SP3: variants seen among roughly 807,000 people sequenced by gnomAD.
SP3 encodes transcription factor Sp3.
A neutral mutation model predicts 70.3 loss-of-function variants in SP3; 10 were observed. The observed-to-expected ratio is 0.14, with a 90% CI of 0.09 to 0.24. The LOEUF is 0.24. Among genes scored for constraint, SP3 ranks in the 10% least tolerant of loss-of-function variants. The pLI, the probability that SP3 is intolerant of heterozygous loss-of-function variation, is 1.00. For missense variants in SP3, 825 were observed against 914.6 expected (o/e 0.90, Z 1.26); for synonymous variants, 402 against 333.5 (o/e 1.21, Z -2.24).
chr2:173,920,072 C>G (rs958017562), intron 4 of SP3, among the ~76,000 whole-genome samples: 2 of 151,312 alleles, frequency 1.3e-5, no homozygotes, highest in Non-Finnish European at 2.9e-5. Context: ...CAAAGCATTT[C>G]GAACAAAAGA....
rs1465933187 is a variant in SP3, at chr2:173,906,554, G to GT, written c.*3386dup. 1 of 152,186 alleles carries GT rather than the reference G, an allele frequency of 6.6e-6. No individual in the cohort carries two copies. Among genetic ancestry groups the GT allele is most frequent in the Non-Finnish European group, 1.5e-5 (1 of 68,032 alleles). The allele number at this position is 152,186 out of a possible 1,614,324, so 9.4% of individuals were successfully genotyped here. A position where few individuals can be genotyped will look rare whatever the true frequency, so the allele number is the denominator to read the frequency against. ...TAATTAAAACTGAAAACCAAATTGT[G>GT]TAACAGGTAGCATAACATGTCAGTT... On this transcript the variant is annotated 3_prime_UTR_variant, in exon 7 of 7. Coordinates refer to ENST00000310015, the MANE Select transcript of SP3 (RefSeq NM_003111.5).
In SP3 at chr2:173,960,544, A is replaced by C. The variant is rs140548637; in HGVS notation, c.279+3217T>G. Among the ~76,000 whole-genome samples, 986 of 152,358 alleles carry C rather than the reference A, an allele frequency of 6.5e-3. 17 individuals carry two copies. The highest frequency in any genetic ancestry group is 0.038 in the East Asian group (195 of 5,190). ...TAGTTACAATGACAGCACAGGTCTT[A>C]TTTTAAATAATGGCAAAATAACTTT... On this transcript the variant is annotated intron_variant, in intron 3 of 6. Transcript: ENST00000310015.
chr2:173,909,784 T>C lies in SP3; in HGVS notation c.*157A>G, dbSNP rs1437867025. ...ACCATTTTTAATATACTATGGAATA[T>C]CATACAAAGTAAGGCATTTCAGTGT... On this transcript the variant is annotated 3_prime_UTR_variant, in exon 7 of 7. Transcript: ENST00000310015. 6.9e-6 allele frequency: 4 copies of C among 583,450 alleles called. No homozygotes were observed. The highest frequency in any genetic ancestry group is 6.7e-5 in the Admixed American group (2 of 29,816). 36.1% of individuals were successfully genotyped at this position (583,450 alleles called of 1,614,324 possible).
chr2:173,929,899 AG>A (rs1211790932), intron 4 of SP3, among the ~76,000 whole-genome samples: 2 of 152,208 alleles, frequency 1.3e-5, no homozygotes, highest in Non-Finnish European at 2.9e-5. Context: ...TGAAAAAATT[AG>A]AAGGCTTATC....
At chr2:173,942,504 T>C (rs941939898) in intron 4 of SP3, among the ~76,000 whole-genome samples, 4 of 152,104 alleles carry the variant, frequency 2.6e-5, no homozygotes, top group African/African-American at 7.2e-5. Flanking sequence ...AGGTGGAAGT[T>C]ACAGTCAGCC....
chr2:173,933,667 TATATAA>T lies in SP3; in HGVS notation c.1640-14888_1640-14883del, dbSNP rs1360618537. On this transcript the variant is annotated intron_variant, in intron 4 of 6. Transcript: ENST00000310015. ...ATATATATATATATATATATATATA[TATATAA>T]AAGTTATAAAGTAACATTTATAAAA... Among the ~76,000 whole-genome samples, 214 of 142,148 alleles carry T rather than the reference TATATAA, an allele frequency of 1.5e-3. 1 individual carries two copies. The highest frequency in any genetic ancestry group is 5.3e-3 in the African/African-American group (203 of 38,266). 93.3% of individuals were successfully genotyped at this position (142,148 alleles called of 152,430 possible).
intron 4 of SP3, among the ~76,000 whole-genome samples, chr2:173,950,774 G>C (rs747841346): frequency 6.6e-6 from 1 of 151,976 alleles, no homozygotes; most frequent in Non-Finnish European, 1.5e-5. Context: ...TGATTTTCTA[G>C]TGAGAAAAAG....
At chr2:173,952,749 A>G (rs1690750007) in intron 4 of SP3, among the ~76,000 whole-genome samples, 2 of 152,248 alleles carry the variant, frequency 1.3e-5, no homozygotes, top group African/African-American at 2.4e-5. Flanking sequence ...GACACATACC[A>G]TGACACAGAT....
chr2:173,938,482 A>G (rs1011309719), intron 4 of SP3, among the ~76,000 whole-genome samples: 8 of 148,672 alleles, frequency 5.4e-5, no homozygotes, highest in Non-Finnish European at 8.9e-5. Flanking sequence ...AAAAAAAAAA[A>G]GCAACCAAAC....
At chr2:173,941,150 T>G (rs1352586555) in intron 4 of SP3, among the ~76,000 whole-genome samples, 1 of 144,864 alleles carries the variant, frequency 6.9e-6, no homozygotes, top group Admixed American at 6.9e-5. Context: ...AAAAAAAAAG[T>G]CTGTAATTAC....
At chr2:173,919,979 AC>A (rs1204187357) in intron 4 of SP3, among the ~76,000 whole-genome samples, 1 of 152,198 alleles carries the variant, frequency 6.6e-6, no homozygotes, top group Non-Finnish European at 1.5e-5. Flanking sequence ...GAATGGAAAA[AC>A]AAATCATATT....
rs34329180 is a variant in SP3 at position 173,901,695 on chromosome 2, CTTTTTTTTT to C, written c.*8237_*8245del. ...GGGAAACAGTTAGTTGGACTTAAGC[CTTTTTTTTT>C]TTTTTTTTTTTTTTTGAGACGAAAT... On this transcript the variant is annotated 3_prime_UTR_variant, in exon 7 of 7. Transcript: ENST00000310015. Among the ~76,000 whole-genome samples, 2 of 74,958 alleles carry C rather than the reference CTTTTTTTTT, an allele frequency of 2.7e-5. No homozygotes were observed. The highest frequency in any genetic ancestry group is 5.3e-5 in the African/African-American group (1 of 19,020). The allele number at this position is 74,958 out of a possible 152,430, so 49.2% of individuals were successfully genotyped here. A position where few individuals can be genotyped will look rare whatever the true frequency, so the allele number is the denominator to read the frequency against.
intron 4 of SP3, among the ~76,000 whole-genome samples, chr2:173,947,915 A>G (rs1012704672): frequency 1.3e-5 from 2 of 152,128 alleles, no homozygotes; most frequent in African/African-American, 2.4e-5. Context: ...TAACAGTTCA[A>G]TGGTTCAGAT....
chr2:173,938,264 C>T (rs1574412801), intron 4 of SP3, among the ~76,000 whole-genome samples: 1 of 151,936 alleles, frequency 6.6e-6, no homozygotes. Flanking sequence ...CAAGACCAGC[C>T]TAGTCAACAT....
chr2:173,954,099 G>A (rs1467664469), intron 4 of SP3, among the ~76,000 whole-genome samples: 1 of 152,102 alleles, frequency 6.6e-6, no homozygotes, highest in African/African-American at 2.4e-5. Context: ...ATACAAAACA[G>A]AATTAAAGTA....
At chr2:173,963,660 G>A (rs1445050523) in intron 3 of SP3, 101 bp downstream of exon 3, 1 of 279,798 alleles carries the variant, frequency 3.6e-6, no homozygotes, top group Non-Finnish European at 5.5e-6. Flanking sequence ...TGCGGGTCGG[G>A]GGAAGCGCGG....
chr2:173,963,305 TTAA>T (rs1691146878), intron 3 of SP3: 1 of 152,216 alleles, frequency 6.6e-6, no homozygotes, highest in Non-Finnish European at 1.5e-5. Context: ...CTCATTTTTT[TTAA>T]TAATGTATGA....
At chr2:173,951,385 G>T (rs1690708664) in intron 4 of SP3, among the ~76,000 whole-genome samples, 1 of 152,062 alleles carries the variant, frequency 6.6e-6, no homozygotes, top group Non-Finnish European at 1.5e-5. Context: ...ATCATAAACA[G>T]AAATTTAAAT....
At chr2:173,925,202 A>G (rs1689876844) in intron 4 of SP3, among the ~76,000 whole-genome samples, 1 of 152,230 alleles carries the variant, frequency 6.6e-6, no homozygotes, top group Non-Finnish European at 1.5e-5. Context: ...TCAGCCACAT[A>G]TGCTATTATA....
Sources: allele counts gnomAD v4.1 joint callset (sites outside exome capture counted in the v4.1 genomes callset), GRCh38; gene constraint gnomAD v4.1.1; transcripts MANE v1.5; gene names NCBI Gene and HGNC (gene_info 2026-07-23, HGNC 2026-07-21).